TRIM56: variants seen among roughly 807,000 people sequenced by gnomAD.
TRIM56 encodes tripartite motif containing 56, also known as E3 ubiquitin-protein ligase TRIM56.
TRIM56 carries 10 observed loss-of-function variants against 17.1 expected under a neutral mutation model. The ratio of observed to expected loss-of-function variants is 0.58; its 90% CI spans 0.36 to 0.99. The LOEUF (loss-of-function observed/expected upper bound fraction) is 0.99, where lower values mean the gene tolerates loss of function less well. Ranked by LOEUF, TRIM56 falls within the 50% of genes least tolerant of loss-of-function variation. The pLI is 0.01. For missense variants in TRIM56, 923 were observed against 1,052.3 expected (o/e 0.88, Z 1.70); for synonymous variants, 503 against 473.5 (o/e 1.06, Z -0.81).
rs1241532553 is a variant in TRIM56, at chr7:101,089,370, G to A, written c.2058G>A (p.Val686=). Residue 686 remains valine (V), a synonymous_variant, in exon 3 of 3, where the codon GTG becomes GTA. Transcript: ENST00000306085. ...LHGCQPGSVS[V]DKKGYIFLTL... ...GCTGCCAGCCGGGCTCCGTGTCTGT[G>A]GATAAGAAGGGCTACATCTTTCTGA... 1.2e-6 allele frequency: 2 copies of A among 1,611,922 alleles called. No homozygotes were observed. The highest frequency in any genetic ancestry group is 1.7e-5 in the Admixed American group (1 of 59,942).
chr7:101,093,265 T>C lies in TRIM56; in HGVS notation c.*3685T>C, dbSNP rs1350021410. On this transcript the variant is annotated 3_prime_UTR_variant, in exon 3 of 3. Transcript: ENST00000306085. The stretch of plus-strand genomic sequence containing the variant: ...TTGTTCACTTGTTTATCTGCTGACC[T>C]TCCCTCCACTATTGTCCTATGACCC... 1 of 158,628 alleles carries C rather than the reference T, an allele frequency of 6.3e-6. No homozygotes were observed. Among genetic ancestry groups the C allele is most frequent in the Non-Finnish European group, 1.4e-5 (1 of 74,052 alleles). The allele number at this position is 158,628 out of a possible 1,614,324, so 9.8% of individuals were successfully genotyped here.
chr7:101,089,853 T>A lies in TRIM56; in HGVS notation c.*273T>A. On this transcript the variant is annotated 3_prime_UTR_variant, in exon 3 of 3. Coordinates refer to ENST00000306085, the MANE Select transcript of TRIM56 (RefSeq NM_030961.3). ...CCTCTTGCTTTTTGTGGGTGGCTGCTGCCACCACCGCCGCTGCTATATAGT... is the reference window on the plus strand; with the variant it reads ...CCTCTTGCTTTTTGTGGGTGGCTGCAGCCACCACCGCCGCTGCTATATAGT... The A allele has an allele frequency of 2.4e-6, 1 of 425,214 alleles. No individual in the cohort carries two copies. The highest frequency in any genetic ancestry group is 4.4e-6 in the Non-Finnish European group (1 of 226,806). 26.3% of individuals were successfully genotyped at this position (425,214 alleles called of 1,614,324 possible).
In TRIM56 at chr7:101,087,179, A is replaced by T; in HGVS notation, c.-2+11A>T. 1 of 815,424 alleles carries T rather than the reference A, an allele frequency of 1.2e-6. No homozygotes were observed. Among genetic ancestry groups the T allele is most frequent in the South Asian group, 1.7e-5 (1 of 59,830 alleles). The allele number at this position is 815,424 out of a possible 1,614,324, so 50.5% of individuals were successfully genotyped here. ...TTCCTGGCCATTCAGGTGAGACCTC[A>T]GGTTCCTTCCCGGCCATTTGGGTCA... is the stretch of plus-strand genomic sequence containing the variant. On this transcript the variant is annotated intron_variant, in intron 2 of 2. Coordinates refer to ENST00000306085, the MANE Select transcript of TRIM56 (RefSeq NM_030961.3).
At chr7:101,086,950 TG>T in intron 1 of TRIM56, 55 bp from the exon 2 acceptor site, 1 of 233,314 alleles carries the variant, frequency 4.3e-6, no homozygotes, top group Non-Finnish European at 8.4e-6. Flanking sequence ...GCCTGTGGAC[TG>T]GGGACACTGA....
rs1271624080 is a variant in TRIM56, at chr7:101,087,637, G to A, written c.325G>A (p.Gly109Ser). 1 of 1,610,904 alleles carries A rather than the reference G, an allele frequency of 6.2e-7. No homozygotes were observed. Among genetic ancestry groups the A allele is most frequent in the South Asian group, 1.1e-5 (1 of 90,838 alleles). Reference sequence around the variant, plus strand: ...CTGTGCCCTGTGTCCCCTGGTGGGTGGCACCAGCACCGGGGGGCCGGCCAC... The same window carrying A: ...CTGTGCCCTGTGTCCCCTGGTGGGTAGCACCAGCACCGGGGGGCCGGCCAC... ...PACALCPLVG[G>S]TSTGGPATAR... The change falls in exon 3 of 3, where the codon GGC (glycine) becomes AGC (serine). Residue 109 changes from glycine to serine, a missense_variant. Gly to Ser is a moderately conservative substitution (Grantham distance 56). This residue lies in a region of TRIM56 where 643 missense variants were observed against 665.6 expected (regional missense o/e 0.97). Transcript: ENST00000306085.
rs1052922238 is a variant in TRIM56 at position 101,091,524 on chromosome 7, C to T, written c.*1944C>T. ...GGTGGATCACTCAAGGTCAGGAGTT[C>T]GAGACCAGCCTGGCCAACATGGAGA... On this transcript the variant is annotated 3_prime_UTR_variant, in exon 3 of 3. Coordinates refer to ENST00000306085, the MANE Select transcript of TRIM56 (RefSeq NM_030961.3). 39 of 310,822 alleles carry T rather than the reference C, an allele frequency of 1.3e-4. No individual in the cohort carries two copies. Among genetic ancestry groups the T allele is most frequent in the African/African-American group, 8.7e-4 (38 of 43,900 alleles). 19.3% of individuals were successfully genotyped at this position (310,822 alleles called of 1,614,324 possible). A position where few individuals can be genotyped will look rare whatever the true frequency, so the allele number is the denominator to read the frequency against.
At chr7:101,085,761 C>G (rs759642283) in intron 1 of TRIM56, among the ~76,000 whole-genome samples, 190 bp downstream of exon 1, 27 of 152,060 alleles carry the variant, frequency 1.8e-4, no homozygotes, top group Non-Finnish European at 2.8e-4. Context: ...GGCCACAGGT[C>G]CCCGCAAGAA....
chr7:101,091,673 G>A lies in TRIM56; in HGVS notation c.*2093G>A, dbSNP rs1470833743. On this transcript the variant is annotated 3_prime_UTR_variant, in exon 3 of 3. Coordinates refer to ENST00000306085, the MANE Select transcript of TRIM56 (RefSeq NM_030961.3). ...ACCCAGGAGGTGGAAGTTGCAGTGA[G>A]CTCAGATCGCACCATTGCACTCCAG... 1 of 442,646 alleles carries A rather than the reference G, an allele frequency of 2.3e-6. No individual in the cohort carries two copies. Among genetic ancestry groups the A allele is most frequent in the Admixed American group, 2.5e-5 (1 of 39,286 alleles). 27.4% of individuals were successfully genotyped at this position (442,646 alleles called of 1,614,324 possible).
rs1050159898 is a variant in TRIM56 at position 101,092,111 on chromosome 7, G to A, written c.*2531G>A. The A allele has an allele frequency of 2.5e-5, 7 of 274,912 alleles. No homozygotes were observed. The Admixed American group carries it at 2.6e-4, about 10-fold the overall frequency. The allele number at this position is 274,912 out of a possible 1,614,324, so 17.0% of individuals were successfully genotyped here. Reference sequence around the variant, plus strand: ...GGTGCTCAATGTTGCCCAGGCTGGAGTGCAGTGTCGTGATCTCGGCTAGCT... The same window carrying A: ...GGTGCTCAATGTTGCCCAGGCTGGAATGCAGTGTCGTGATCTCGGCTAGCT... On this transcript the variant is annotated 3_prime_UTR_variant, in exon 3 of 3. Transcript: ENST00000306085.
In TRIM56 at chr7:101,088,911, C is replaced by T; in HGVS notation, c.1599C>T (p.Arg533=). 1.2e-6 allele frequency: 2 copies of T among 1,613,908 alleles called. No homozygotes were observed. The highest frequency in any genetic ancestry group is 2.2e-5 in the East Asian group (1 of 44,874). Residue 533 remains arginine, a synonymous_variant, in exon 3 of 3, where the codon CGC becomes CGT. Coordinates refer to ENST00000306085, the MANE Select transcript of TRIM56 (RefSeq NM_030961.3). The part of the protein sequence containing the change: ...VADEQNRALK[R]FSLNGDYKGT... ...ATGAGCAGAACCGGGCACTGAAACG[C>T]TTCTCCCTCAACGGCGACTACAAGG...
Position 101,087,055 on chromosome 7 carries a change from G to C in TRIM56, c.-115G>C. ...TAGCACTGACATTTTTACGTTTGCT[G>C]GATGTACACACGGAAGTGGAGGAGG... On this transcript the variant is annotated 5_prime_UTR_variant, in exon 2 of 3. Coordinates refer to ENST00000306085, the MANE Select transcript of TRIM56 (RefSeq NM_030961.3). 1 of 512,392 alleles carries C rather than the reference G, an allele frequency of 2.0e-6. No individual in the cohort carries two copies. The allele number at this position is 512,392 out of a possible 1,614,324, so 31.7% of individuals were successfully genotyped here.
Position 101,087,591 on chromosome 7 carries a change from C to G in TRIM56, c.279C>G (p.Asp93Glu). 6.2e-7 allele frequency: 1 copy of G among 1,612,560 alleles called. No individual in the cohort carries two copies. Among genetic ancestry groups the G allele is most frequent in the South Asian group, 1.1e-5 (1 of 91,008 alleles). ...TGGTGAAGGCCCGGGCCTGTGGAGA[C>G]CTGCGTGCCGGGAAGCCAGCCTGTG... The part of the protein sequence containing the change: ...LDLVKARACG[D>E]LRAGKPACAL... The change falls in exon 3 of 3, where the codon GAC becomes GAG. Residue 93 changes from aspartate (D) to glutamate (E), a missense_variant. Transcript: ENST00000306085.
In TRIM56 at chr7:101,094,515, T is replaced by A. The variant is rs1185929761; in HGVS notation, c.*4935T>A. The A allele has an allele frequency of 6.6e-6, 1 of 152,072 alleles. No individual in the cohort carries two copies. Among genetic ancestry groups the A allele is most frequent in the Non-Finnish European group, 1.5e-5 (1 of 68,018 alleles). 9.4% of individuals were successfully genotyped at this position (152,072 alleles called of 1,614,324 possible). ...AAGTAATACTCAATAACTACTGGGT[T>A]TGAGAATGAAGGTGTCAGAACGAAT... On this transcript the variant is annotated 3_prime_UTR_variant, in exon 3 of 3. Coordinates refer to ENST00000306085, the MANE Select transcript of TRIM56 (RefSeq NM_030961.3).
intron 2 of TRIM56, 24 bp downstream of exon 2, chr7:101,087,192 G>A (rs1448787359): frequency 4.3e-6 from 4 of 932,194 alleles, no homozygotes; most frequent in Admixed American, 2.3e-5. Context: ...TTCCTTCCCG[G>A]CCATTTGGGT....
rs774406710 is a variant in TRIM56 at position 101,089,090 on chromosome 7, C to T, written c.1778C>T (p.Ala593Val). Residue 593 changes from alanine (A) to valine (V), a missense_variant, in exon 3 of 3, where the codon GCG (alanine) becomes GTG (valine). Physicochemically the swap from Ala to Val is moderately conservative, Grantham distance 64. Around this residue, in one of 3 missense-constraint regions of TRIM56, gnomAD observed 182 missense variants for 243.1 expected, o/e 0.75. Transcript: ENST00000306085. ...RALSLSQASH[A>V]VAALPSGDRV... ...CTGAGCCTCTCCCAGGCCAGCCACG[C>T]GGTGGCGGCACTGCCTAGCGGGGAC... 15 of 1,598,316 alleles carry T rather than the reference C, an allele frequency of 9.4e-6. No individual in the cohort carries two copies. Among genetic ancestry groups the T allele is most frequent in the Non-Finnish European group, 9.4e-6 (11 of 1,174,520 alleles).
Position 101,087,239 on chromosome 7 carries a change from C to T in TRIM56, c.-2+71C>T, listed in dbSNP as rs577392016. ...CCTGGGGATCCGTGGGGCTTGAGGACGGGCGGTAGAAGCTAGAGGGTGAGC... is the reference window on the plus strand; with the variant it reads ...CCTGGGGATCCGTGGGGCTTGAGGATGGGCGGTAGAAGCTAGAGGGTGAGC... On this transcript the variant is annotated intron_variant, in intron 2 of 2. Coordinates refer to ENST00000306085, the MANE Select transcript of TRIM56 (RefSeq NM_030961.3). 18 of 1,397,678 alleles carry T rather than the reference C, an allele frequency of 1.3e-5. 1 individual carries two copies. Among genetic ancestry groups the T allele is most frequent in the South Asian group, 6.5e-5 (5 of 77,156 alleles). 86.6% of individuals were successfully genotyped at this position (1,397,678 alleles called of 1,614,324 possible).
Position 101,088,027 on chromosome 7 carries a change from G to A in TRIM56, c.715G>A (p.Glu239Lys), listed in dbSNP as rs1262840271. Residue 239 changes from glutamate to lysine, a missense_variant, in exon 3 of 3, where the codon GAG becomes AAG. Physicochemically the swap from Glu to Lys is moderately conservative, Grantham distance 56. Coordinates refer to ENST00000306085, the MANE Select transcript of TRIM56 (RefSeq NM_030961.3). ...GGAGGCAGCGCGGAGGGTGGAGAAG[G>A]AGGCGCTAGCCCGGCTGCGGGAGCA... ...ELEAARRVEK[E>K]ALARLREQAA... 2 of 1,559,986 alleles carry A rather than the reference G, an allele frequency of 1.3e-6. No homozygotes were observed. The highest frequency in any genetic ancestry group is 1.9e-5 in the Admixed American group (1 of 53,780).
At position 101,088,133 on chromosome 7, in the gene TRIM56, T is replaced by TC; in HGVS notation, c.821_822insC (p.Gln276AlafsTer21). ...CTGCTGGCCCAGAAGCAGGAGGTGC[T>TC]GGGGCAGCTACGAGCCCACGTGGAG... On this transcript the variant is annotated frameshift_variant, in exon 3 of 3. Coordinates refer to ENST00000306085, the MANE Select transcript of TRIM56 (RefSeq NM_030961.3). LOFTEE classifies it low-confidence loss of function (END_TRUNC). 1 of 1,500,888 alleles carries TC rather than the reference T, an allele frequency of 6.7e-7. No homozygotes were observed. The highest frequency in any genetic ancestry group is 8.9e-7 in the Non-Finnish European group (1 of 1,124,590). The allele number at this position is 1,500,888 out of a possible 1,614,324, so 93.0% of individuals were successfully genotyped here.
intron 1 of TRIM56, among the ~76,000 whole-genome samples, chr7:101,086,215 G>T (rs564960879): frequency 6.6e-6 from 1 of 151,332 alleles, no homozygotes; most frequent in South Asian, 2.1e-4. Context: ...GACCAGCCTG[G>T]GCAACATAGC....
Sources: allele counts gnomAD v4.1 joint callset (sites outside exome capture counted in the v4.1 genomes callset), GRCh38; gene constraint gnomAD v4.1.1; regional missense constraint gnomAD v4.1.1; transcripts MANE v1.5; gene names NCBI Gene and HGNC (gene_info 2026-07-23, HGNC 2026-07-21).